Variants in ZMAT4 observed in about 807,000 individuals in gnomAD.
ZMAT4 encodes zinc finger matrin-type protein 4.
A neutral mutation model predicts 28.7 loss-of-function variants in ZMAT4; 17 were observed. The observed-to-expected ratio is 0.59, with a 90% CI of 0.41 to 0.89. The LOEUF (loss-of-function observed/expected upper bound fraction) is 0.89. Among genes scored for constraint, ZMAT4 ranks in the 40% least tolerant of loss-of-function variants. The pLI is 0.00. For synonymous variants in ZMAT4, 117 were observed against 109.2 expected (o/e 1.07, Z -0.44); for missense variants, 240 against 283.8 (o/e 0.85, Z 1.11).
At chr8:40,822,241 C>T (rs1452566492) in intron 2 of ZMAT4, among the ~76,000 whole-genome samples, 1 of 152,194 alleles carries the variant, frequency 6.6e-6, no homozygotes, top group Non-Finnish European at 1.5e-5. Flanking sequence ...ATGAGCTTCT[C>T]AGGGACAAGG....
At chr8:40,540,216 A>C (rs967412383) in intron 6 of ZMAT4, among the ~76,000 whole-genome samples, 8 of 152,156 alleles carry the variant, frequency 5.3e-5, no homozygotes, top group Non-Finnish European at 1.0e-4. Context: ...TTTGCAGTGG[A>C]CAAGGAGCCT....
intron 2 of ZMAT4, among the ~76,000 whole-genome samples, chr8:40,769,516 AG>A: frequency 6.6e-6 from 1 of 152,362 alleles, no homozygotes. Context: ...TACAGTCAAA[AG>A]AATAAAAAGG....
At chr8:40,706,878 C>T (rs890096910) in intron 3 of ZMAT4, among the ~76,000 whole-genome samples, 3 of 152,124 alleles carry the variant, frequency 2.0e-5, no homozygotes, top group African/African-American at 4.8e-5. Flanking sequence ...GTTTCACTTT[C>T]GAATCAGGTG....
intron 5 of ZMAT4, among the ~76,000 whole-genome samples, chr8:40,615,706 C>T (rs1026279644): frequency 3.9e-5 from 6 of 152,140 alleles, no homozygotes; most frequent in Admixed American, 3.9e-4. Context: ...CCCTTTCTTC[C>T]AGTTGATCGA....
chr8:40,581,005 G>A (rs57099545), intron 6 of ZMAT4, among the ~76,000 whole-genome samples, 160 bp downstream of exon 6: 11,058 of 152,186 alleles, frequency 0.073, 735 homozygotes, highest in East Asian at 0.38. Context: ...AAGGGAAGAA[G>A]CCATTCTTCA....
intron 5 of ZMAT4, among the ~76,000 whole-genome samples, chr8:40,635,092 C>T (rs1563377595): frequency 6.6e-6 from 1 of 152,170 alleles, no homozygotes; most frequent in Admixed American, 6.5e-5. Flanking sequence ...TGTTCAACTA[C>T]AGTACAGGTA....
intron 3 of ZMAT4, among the ~76,000 whole-genome samples, chr8:40,723,201 T>A (rs1403235751): frequency 6.6e-6 from 1 of 152,242 alleles, no homozygotes; most frequent in African/African-American, 2.4e-5. Context: ...AGAATGAGTA[T>A]CTACATTTAG....
chr8:40,663,198 A>ATC (rs543942667), intron 5 of ZMAT4, among the ~76,000 whole-genome samples: 1 of 152,042 alleles, frequency 6.6e-6, no homozygotes, highest in Non-Finnish European at 1.5e-5. Context: ...ACCCTTCCCC[A>ATC]TCTGGCCTGT....
At chr8:40,537,935 G>T (rs1467020731) in intron 6 of ZMAT4, among the ~76,000 whole-genome samples, 5 of 152,154 alleles carry the variant, frequency 3.3e-5, no homozygotes, top group African/African-American at 1.2e-4. Flanking sequence ...GGTCTGCAAA[G>T]TGCTAGGCTT....
chr8:40,577,960 G>A (rs574749487), intron 6 of ZMAT4, among the ~76,000 whole-genome samples: 1 of 151,846 alleles, frequency 6.6e-6, no homozygotes, highest in Admixed American at 6.6e-5. Flanking sequence ...AACAAACGCT[G>A]GTATATACCA....
At chr8:40,867,232 A>G (rs907937730) in intron 1 of ZMAT4, among the ~76,000 whole-genome samples, 23 of 152,190 alleles carry the variant, frequency 1.5e-4, no homozygotes, top group African/African-American at 5.3e-4. Flanking sequence ...ATACACTAAC[A>G]CTAATGGTAG....
Position 40,645,511 on chromosome 8 carries a change from A to G in ZMAT4, c.577+29193T>C, listed in dbSNP as rs115615445. 5.5e-3 allele frequency among the ~76,000 whole-genome samples: 836 copies of G among 152,304 alleles called. 12 individuals are homozygous for G. The highest frequency in any genetic ancestry group is 0.019 in the African/African-American group (788 of 41,560). ...AGTGATGGTCTTTATTTGAATAAAC[A>G]TTTGTAAAAATGGAGAAGAAAATAT... is the stretch of plus-strand genomic sequence containing the variant. On this transcript the variant is annotated intron_variant, in intron 5 of 6. Coordinates refer to ENST00000297737, the MANE Select transcript of ZMAT4 (RefSeq NM_024645.3).
chr8:40,889,606 C>T (rs919223861), intron 1 of ZMAT4, among the ~76,000 whole-genome samples: 1 of 152,026 alleles, frequency 6.6e-6, no homozygotes, highest in Non-Finnish European at 1.5e-5. Flanking sequence ...CTACATACAC[C>T]TTTTGTTTTA....
At chr8:40,662,560 A>C (rs1337997193) in intron 5 of ZMAT4, among the ~76,000 whole-genome samples, 1 of 152,156 alleles carries the variant, frequency 6.6e-6, no homozygotes, top group Non-Finnish European at 1.5e-5. Context: ...TGGAAGACTT[A>C]ACCAAGCGTC....
chr8:40,780,637 C>A (rs1813789776), intron 2 of ZMAT4, among the ~76,000 whole-genome samples: 1 of 151,916 alleles, frequency 6.6e-6, no homozygotes, highest in Non-Finnish European at 1.5e-5. Context: ...GAAGATATTA[C>A]CAATATGAAG....
intron 6 of ZMAT4, among the ~76,000 whole-genome samples, chr8:40,576,103 TAA>T (rs760465404): frequency 1.8e-3 from 279 of 151,566 alleles, no homozygotes; most frequent in Non-Finnish European, 2.3e-3. Flanking sequence ...CCTTTTGAAA[TAA>T]CTTAGGCAGA....
rs189928666 is a variant in ZMAT4, at chr8:40,561,813, G to A, written c.674+19352C>T. 8.3e-4 allele frequency among the ~76,000 whole-genome samples: 127 copies of A among 152,224 alleles called. 1 individual carries two copies. In the East Asian group the frequency reaches 0.023, roughly 27 times the overall value. Reference sequence around the variant, plus strand: ...AGCTCATCAGCTATCATTAGTGTTCGTGTATTTTATGTATGGCCCAAGACA... The same window carrying A: ...AGCTCATCAGCTATCATTAGTGTTCATGTATTTTATGTATGGCCCAAGACA... On this transcript the variant is annotated intron_variant, in intron 6 of 6. Transcript: ENST00000297737.
At chr8:40,864,098 A>G (rs1228285989) in intron 1 of ZMAT4, among the ~76,000 whole-genome samples, 5 of 152,212 alleles carry the variant, frequency 3.3e-5, no homozygotes, top group African/African-American at 9.6e-5. Context: ...TTCCCAATTA[A>G]TGAATGCACC....
intron 5 of ZMAT4, among the ~76,000 whole-genome samples, chr8:40,633,486 C>G (rs1806674311): frequency 6.6e-6 from 1 of 152,142 alleles, no homozygotes; most frequent in Non-Finnish European, 1.5e-5. Flanking sequence ...AAGGGGTGAC[C>G]AGAAGATGGG....
Sources: allele counts gnomAD v4.1 joint callset (sites outside exome capture counted in the v4.1 genomes callset), GRCh38; gene constraint gnomAD v4.1.1; transcripts MANE v1.5; gene names NCBI Gene and HGNC (gene_info 2026-07-23, HGNC 2026-07-21).